Variants in XIRP2 observed in about 807,000 individuals in gnomAD.
The protein encoded by XIRP2 is xin actin binding repeat containing 2.
XIRP2 carries 236 observed loss-of-function variants against 277.0 expected under a neutral mutation model. That is an observed-to-expected ratio of 0.85 (90% CI 0.77 to 0.95). The LOEUF is 0.95. Among genes scored for constraint, XIRP2 ranks in the 40% least tolerant of loss-of-function variants. The pLI, the probability that XIRP2 is intolerant of heterozygous loss-of-function variation, is 0.00. For missense variants in XIRP2, 4,640 were observed against 4,157.5 expected (o/e 1.12, Z -3.19); for synonymous variants, 1,490 against 1,416.5 (o/e 1.05, Z -1.17).
At chr2:167,188,409 A>G (rs1230166379) in intron 3 of XIRP2, among the ~76,000 whole-genome samples, 1 of 152,194 alleles carries the variant, frequency 6.6e-6, no homozygotes, top group Non-Finnish European at 1.5e-5. Context: ...CTGGTGCTGA[A>G]CCAAAAGATA....
At chr2:167,180,731 T>C (rs892445490) in intron 3 of XIRP2, among the ~76,000 whole-genome samples, 1 of 152,170 alleles carries the variant, frequency 6.6e-6, no homozygotes, top group Non-Finnish European at 1.5e-5. Context: ...TCCCTTACCA[T>C]TGTTGAGCAG....
chr2:167,140,041 G>A (rs1020385771), intron 3 of XIRP2, among the ~76,000 whole-genome samples: 4 of 1,292 alleles, frequency 3.1e-3, no homozygotes, highest in Admixed American at 0.024. Flanking sequence ...ATGTGGATAA[G>A]GAGAAAGTTC....
intron 2 of XIRP2, among the ~76,000 whole-genome samples, chr2:166,926,590 C>T (rs1685193975): frequency 6.6e-6 from 1 of 152,058 alleles, no homozygotes; most frequent in African/African-American, 2.4e-5. Flanking sequence ...TTCTTGATCT[C>T]CCAGATTGAC....
At chr2:167,084,432 G>C (rs1449252071) in intron 2 of XIRP2, among the ~76,000 whole-genome samples, 1 of 151,164 alleles carries the variant, frequency 6.6e-6, no homozygotes, top group African/African-American at 2.4e-5. Flanking sequence ...CCCGGCTTTG[G>C]TATCAGGATG....
At chr2:166,936,239 G>A (rs1241470691) in intron 2 of XIRP2, among the ~76,000 whole-genome samples, 4 of 152,128 alleles carry the variant, frequency 2.6e-5, no homozygotes, top group East Asian at 1.9e-4. Context: ...CATATCCTTC[G>A]CCCACTTTTT....
In XIRP2 at chr2:166,927,346, C is replaced by T. The variant is rs528952698; in HGVS notation, c.408+23456C>T. Among the ~76,000 whole-genome samples, 3 of 152,202 alleles carry T rather than the reference C, an allele frequency of 2.0e-5. No homozygotes were observed. In the South Asian group the frequency reaches 6.2e-4, roughly 32 times the overall value. ...GGCTTAAACAATACAAATTTATTATCTTACGCTTCCTGGAGGTCCAAAGTC... is the reference window on the plus strand; with the variant it reads ...GGCTTAAACAATACAAATTTATTATTTTACGCTTCCTGGAGGTCCAAAGTC... On this transcript the variant is annotated intron_variant, in intron 2 of 10. Transcript: ENST00000409195.
chr2:167,149,296 G>A (rs984392743), intron 3 of XIRP2, among the ~76,000 whole-genome samples: 3 of 152,124 alleles, frequency 2.0e-5, no homozygotes, highest in Non-Finnish European at 4.4e-5. Context: ...CTTTCTGGAA[G>A]CACATGCTTT....
intron 2 of XIRP2, among the ~76,000 whole-genome samples, chr2:167,108,704 G>T (rs1018476876): frequency 1.3e-5 from 2 of 151,956 alleles, no homozygotes; most frequent in African/African-American, 4.8e-5. Flanking sequence ...ACAGAACACT[G>T]CTTATCCAAC....
chr2:166,965,335 T>C (rs1686402568), intron 2 of XIRP2, among the ~76,000 whole-genome samples: 2 of 151,886 alleles, frequency 1.3e-5, no homozygotes, highest in South Asian at 4.1e-4. Flanking sequence ...AATCAGTCCT[T>C]ACTTTCTAGT....
chr2:167,150,632 G>T (rs755930255), intron 3 of XIRP2, among the ~76,000 whole-genome samples: 3 of 151,914 alleles, frequency 2.0e-5, no homozygotes, highest in Non-Finnish European at 2.9e-5. Flanking sequence ...TTGATATGTT[G>T]TTGTGTTTTA....
chr2:167,213,614 A>T (rs1694124640), intron 4 of XIRP2, among the ~76,000 whole-genome samples: 1 of 147,526 alleles, frequency 6.8e-6, no homozygotes, highest in Admixed American at 6.7e-5. Flanking sequence ...AACACAAAGC[A>T]ATTTCAGTTA....
At chr2:166,983,802 T>C (rs530564838) in intron 2 of XIRP2, among the ~76,000 whole-genome samples, 1 of 152,334 alleles carries the variant, frequency 6.6e-6, no homozygotes, top group East Asian at 1.9e-4. Flanking sequence ...TTTTGCCAAA[T>C]GTAGAATGAC....
chr2:167,211,346 C>A (rs1383997568), intron 4 of XIRP2, among the ~76,000 whole-genome samples: 1 of 152,170 alleles, frequency 6.6e-6, no homozygotes, highest in African/African-American at 2.4e-5. Context: ...CCGCCCGCAT[C>A]AGCCTCCCAA....
At chr2:167,241,345 CT>C (rs1695058217) in intron 7 of XIRP2, among the ~76,000 whole-genome samples, 1 of 151,998 alleles carries the variant, frequency 6.6e-6, no homozygotes, top group African/African-American at 2.4e-5. Flanking sequence ...AATTCCTTTT[CT>C]TGTTTTATAC....
At chr2:167,040,840 T>G (rs1018351826) in intron 2 of XIRP2, among the ~76,000 whole-genome samples, 5 of 152,170 alleles carry the variant, frequency 3.3e-5, no homozygotes, top group Non-Finnish European at 7.3e-5. Context: ...AGCACCTACC[T>G]GCCCACAACC....
chr2:167,097,017 T>G (rs1690338071), intron 2 of XIRP2, among the ~76,000 whole-genome samples: 1 of 152,224 alleles, frequency 6.6e-6, no homozygotes, highest in Admixed American at 6.5e-5. Context: ...ATAATGTATA[T>G]TCTGTTGATT....
At chr2:167,179,642 AT>A (rs58591089) in intron 3 of XIRP2, among the ~76,000 whole-genome samples, 23,971 of 136,218 alleles carry the variant, frequency 0.18, 3,495 homozygotes, top group African/African-American at 0.42. Context: ...TTATCTGATA[AT>A]TTTTTTTTTT....
intron 2 of XIRP2, among the ~76,000 whole-genome samples, chr2:167,001,817 T>C (rs1434635492): frequency 2.0e-5 from 3 of 152,202 alleles, no homozygotes; most frequent in Non-Finnish European, 2.9e-5. Context: ...AATGTAACTA[T>C]AGTTAAAGAA....
intron 3 of XIRP2, among the ~76,000 whole-genome samples, chr2:167,142,593 G>T (rs573886106): frequency 1.3e-5 from 2 of 151,762 alleles, no homozygotes; most frequent in African/African-American, 4.8e-5. Context: ...GAGAAAGAAA[G>T]GTACATGGGA....
Sources: allele counts gnomAD v4.1 joint callset (sites outside exome capture counted in the v4.1 genomes callset), GRCh38; gene constraint gnomAD v4.1.1; transcripts MANE v1.5; gene names NCBI Gene and HGNC (gene_info 2026-07-23, HGNC 2026-07-21).